The following HDGF variants were observed in gnomAD, a reference collection of about 807,000 sequenced individuals.
HDGF encodes the protein heparin binding growth factor.
HDGF carries 5 observed loss-of-function variants against 30.0 expected under a neutral mutation model. That is an observed-to-expected ratio of 0.17 (90% CI 0.09 to 0.35). HDGF has a LOEUF of 0.35. HDGF is among the 10% of genes least tolerant of loss of function. The pLI, the probability that HDGF is intolerant of heterozygous loss-of-function variation, is 1.00. For synonymous variants in HDGF, 133 were observed against 112.7 expected (o/e 1.18, Z -1.14); for missense variants, 214 against 302.8 (o/e 0.71, Z 2.18).
Position 156,751,432 on chromosome 1 carries a change from C to G in HDGF, c.-3G>C. ...TTCTGCCGGTTGGATCGCGACATGG[C>G]GGGGCTCCGGGCGCCCCGGGCTCCG... On this transcript the variant is annotated 5_prime_UTR_variant, in exon 1 of 6. Transcript: ENST00000357325. This position sits in a 1 kb window ranked among gnomAD's most constrained non-coding sequence, Gnocchi z 4.7. The G allele has an allele frequency of 6.4e-7, 1 of 1,564,744 alleles. No individual in the cohort carries two copies. The highest frequency in any genetic ancestry group is 8.7e-7 in the Non-Finnish European group (1 of 1,154,320).
chr1:156,762,542 C>A (rs1387718385), intron 1 of HDGF, among the ~76,000 whole-genome samples: 1 of 152,024 alleles, frequency 6.6e-6, no homozygotes, highest in Admixed American at 6.6e-5. Context: ...CACTTTGTAC[C>A]TCTGGGTACC....
intron 1 of HDGF, among the ~76,000 whole-genome samples, chr1:156,761,640 A>AC (rs34869322): frequency 0.1 from 14,817 of 144,492 alleles, 925 homozygotes; most frequent in African/African-American, 0.18. Context: ...CAAAAAAAAA[A>AC]CCATAAAAAT....
intron 1 of HDGF, among the ~76,000 whole-genome samples, 186 bp from the exon 2 acceptor site, chr1:156,745,559 C>A (rs1354778482): frequency 9.2e-5 from 14 of 152,128 alleles, no homozygotes; most frequent in African/African-American, 3.4e-4. Flanking sequence ...ACATGAAAGC[C>A]CAACAGAAAC....
intron 1 of HDGF, among the ~76,000 whole-genome samples, chr1:156,748,346 C>A (rs575461767): frequency 2.6e-4 from 40 of 152,290 alleles, no homozygotes; most frequent in African/African-American, 8.7e-4. Context: ...CTCAGGGCAG[C>A]CCTGTACCCC....
At chr1:156,752,405 T>A (rs1243191323), upstream of HDGF, 1 of 1,526,408 alleles carries the variant, frequency 6.6e-7, no homozygotes, top group Admixed American at 2.0e-5. Context: ...CAAGGAGACT[T>A]GGACTCAACG....
intron 5 of HDGF, 95 bp downstream of exon 5, chr1:156,743,557 G>A (rs1169306252): frequency 9.6e-6 from 15 of 1,570,498 alleles, no homozygotes; most frequent in South Asian, 3.3e-5. Context: ...CCTGCCTCCC[G>A]AGAGGCTGAC....
upstream of HDGF, among the ~76,000 whole-genome samples, chr1:156,753,040 A>G (rs933132106): frequency 6.6e-6 from 1 of 152,224 alleles, no homozygotes; most frequent in Non-Finnish European, 1.5e-5. Flanking sequence ...CCTCTGCTGT[A>G]AGATGGGATA....
chr1:156,745,665 C>G (rs1272739007), intron 1 of HDGF, among the ~76,000 whole-genome samples: 1 of 152,238 alleles, frequency 6.6e-6, no homozygotes, highest in Non-Finnish European at 1.5e-5. Context: ...CCATCACCTT[C>G]TCCATTCTCC....
rs1300917111 is a variant in HDGF, at chr1:156,744,343, G to A, written c.309C>T (p.Ser103=). Residue 103 remains serine, a synonymous_variant, in exon 4 of 6, where the codon TCC becomes TCT. Transcript: ENST00000357325. The part of the protein sequence containing the change: ...PTVKASGYQS[S]QKKSCVEEPE... ...GCTCTTCCACACAGCTCTTTTTCTG[G>A]GAGGACTGCAGCAGAGACAGCACAG... 10 of 1,613,834 alleles carry A rather than the reference G, an allele frequency of 6.2e-6. No homozygotes were observed. Among genetic ancestry groups the A allele is most frequent in the African/African-American group, 1.3e-5 (1 of 74,870 alleles).
upstream of HDGF, among the ~76,000 whole-genome samples, chr1:156,757,292 G>A (rs536200694): frequency 2.2e-4 from 32 of 146,438 alleles, no homozygotes; most frequent in South Asian, 4.5e-4. Flanking sequence ...GTGAAACCCC[G>A]TCTCTACTAA....
chr1:156,763,863 C>T (rs1158837831), intron 1 of HDGF, among the ~76,000 whole-genome samples: 2 of 152,116 alleles, frequency 1.3e-5, no homozygotes, highest in Admixed American at 1.3e-4. Flanking sequence ...GTTAGGATTA[C>T]AGGCATGAGC....
chr1:156,744,205 G>A lies in HDGF; in HGVS notation c.447C>T (p.Asn149=), dbSNP rs903307133. The change falls in exon 4 of 6, where the codon AAC becomes AAT. Residue 149 remains asparagine, a synonymous_variant. Coordinates refer to ENST00000357325, the MANE Select transcript of HDGF (RefSeq NM_004494.3). ...LVIDEPAKEK[N]EKGALKRRAG... is the part of the protein sequence containing the mutation. ...CTCTCCTCTTCAACGCTCCTTTCTC[G>A]TTCTTCTCCTTGGCTGGCTCATCAA... The A allele has an allele frequency of 9.3e-6, 15 of 1,613,908 alleles. No individual in the cohort carries two copies. The highest frequency in any genetic ancestry group is 3.3e-5 in the Admixed American group (2 of 59,980).
chr1:156,753,473 G>C (rs760970504), upstream of HDGF, among the ~76,000 whole-genome samples: 2 of 152,184 alleles, frequency 1.3e-5, no homozygotes, highest in Admixed American at 1.3e-4. Flanking sequence ...AGAGAGTCTT[G>C]TCACAAGTTC....
At chr1:156,743,930 A>G in intron 4 of HDGF, 52 bp from the exon 5 acceptor site, 2 of 1,340,858 alleles carry the variant, frequency 1.5e-6, no homozygotes, top group South Asian at 1.2e-5. Flanking sequence ...GGAGGCCACC[A>G]GCCACCCACT....
chr1:156,748,319 T>C (rs1650732281), intron 1 of HDGF, among the ~76,000 whole-genome samples: 1 of 152,180 alleles, frequency 6.6e-6, no homozygotes, highest in Non-Finnish European at 1.5e-5. Flanking sequence ...TCTTCCTAGA[T>C]GTAGAGGTTA....
intron 1 of HDGF, among the ~76,000 whole-genome samples, chr1:156,760,328 C>G (rs1651227164): frequency 6.6e-6 from 1 of 152,124 alleles, no homozygotes; most frequent in African/African-American, 2.4e-5. Context: ...GGAGAGGACT[C>G]AGGGAGGCGT....
In HDGF at chr1:156,765,432, TTTCTTTCCTTTCTTTCC is replaced by T. The variant is rs1270978145; in HGVS notation, n.136+1341_136+1357del. Reference sequence around the variant, plus strand: ...TTCTTTCTTTCTTTCTTTCTCTTTCTTTCTTTCCTTTCTTTCCTTCTTTCCTTCTTTCTTTCTTTCTT... The same window carrying T: ...TTCTTTCTTTCTTTCTTTCTCTTTCTTTCTTTCCTTCTTTCTTTCTTTCTT... On this transcript the variant is annotated intron_variant and non_coding_transcript_variant, in intron 1 of 7. Transcript: ENST00000465180. Among the ~76,000 whole-genome samples the T allele has an allele frequency of 1.1e-3, 113 of 100,222 alleles. 1 individual carries two copies. In the East Asian group the frequency reaches 0.015, roughly 13 times the overall value. 65.7% of individuals were successfully genotyped at this position (100,222 alleles called of 152,430 possible).
intron 1 of HDGF, among the ~76,000 whole-genome samples, chr1:156,763,151 T>C (rs1412338227): frequency 6.6e-6 from 1 of 152,218 alleles, no homozygotes; most frequent in African/African-American, 2.4e-5. Flanking sequence ...AAAAAATCTC[T>C]TTACTGATGT....
chr1:156,743,637 A>AG lies in HDGF; in HGVS notation c.716+14dup, dbSNP rs1650283572. The AG allele has an allele frequency of 1.9e-6, 3 of 1,598,508 alleles. No homozygotes were observed. Among genetic ancestry groups the AG allele is most frequent in the South Asian group, 1.1e-5 (1 of 90,758 alleles). ...CCCCTAGTCCAGCTGCCAAGGGGTCAGGGGGCTCACTCACCTCTCATGATC... is the reference window on the plus strand; with the variant it reads ...CCCCTAGTCCAGCTGCCAAGGGGTCAGGGGGGCTCACTCACCTCTCATGATC... On this transcript the variant is annotated intron_variant, in intron 5 of 5. Transcript: ENST00000357325.
Sources: allele counts gnomAD v4.1 joint callset (sites outside exome capture counted in the v4.1 genomes callset), GRCh38; gene constraint gnomAD v4.1.1; non-coding constraint Gnocchi (gnomAD v3.1); transcripts MANE v1.5; gene names NCBI Gene and HGNC (gene_info 2026-07-23, HGNC 2026-07-21).